TTC28: variants seen among roughly 807,000 people sequenced by gnomAD.
The protein encoded by TTC28 is tetratricopeptide repeat protein 28.
TTC28 carries 61 observed loss-of-function variants against 198.0 expected under a neutral mutation model. The ratio of observed to expected loss-of-function variants is 0.31; its 90% CI spans 0.25 to 0.38. The LOEUF is 0.38. TTC28 is among the 10% of genes least tolerant of loss of function. TTC28 has a pLI of 1.00. For synonymous variants in TTC28, 1,171 were observed against 1,297.8 expected (o/e 0.90, Z 2.10); for missense variants, 2,678 against 3,164.0 (o/e 0.85, Z 3.69).
At chr22:28,632,296 TC>T (rs1237206328) in intron 1 of TTC28, among the ~76,000 whole-genome samples, 1 of 127,650 alleles carries the variant, frequency 7.8e-6, no homozygotes, top group Non-Finnish European at 1.6e-5. Flanking sequence ...AGGAGAAGTT[TC>T]ACTCTTGTTG....
intron 5 of TTC28, among the ~76,000 whole-genome samples, chr22:28,164,091 TG>T (rs1294680087): frequency 6.6e-6 from 1 of 152,010 alleles, no homozygotes; most frequent in African/African-American, 2.4e-5. Flanking sequence ...GAAGCGAGGC[TG>T]GGGGAGGGGC....
At chr22:28,326,582 C>T (rs951923912) in intron 2 of TTC28, among the ~76,000 whole-genome samples, 1 of 152,042 alleles carries the variant, frequency 6.6e-6, no homozygotes, top group African/African-American at 2.4e-5. Flanking sequence ...CTAAATGAGT[C>T]AGTTAAGATG....
chr22:28,514,681 A>G (rs1360791523), intron 2 of TTC28, among the ~76,000 whole-genome samples: 10 of 152,230 alleles, frequency 6.6e-5, no homozygotes, highest in African/African-American at 2.4e-4. Flanking sequence ...ACACTTACAC[A>G]TGCCTGTGCG....
chr22:28,391,628 T>C (rs939252861), intron 2 of TTC28, among the ~76,000 whole-genome samples: 4 of 152,250 alleles, frequency 2.6e-5, no homozygotes, highest in African/African-American at 7.2e-5. Flanking sequence ...TTCCAGTTGA[T>C]TGCATCAGCT....
intron 2 of TTC28, among the ~76,000 whole-genome samples, chr22:28,371,581 CA>C (rs147727536): frequency 1.2e-4 from 4 of 32,720 alleles, no homozygotes; most frequent in Non-Finnish European, 1.5e-4. Context: ...TCATCTTAAC[CA>C]AAAAAAAAAA....
At chr22:28,587,605 C>G (rs1464187812) in intron 2 of TTC28, among the ~76,000 whole-genome samples, 1 of 151,808 alleles carries the variant, frequency 6.6e-6, no homozygotes, top group African/African-American at 2.4e-5. Context: ...CACCACCACG[C>G]CTGGCTAATT....
Position 28,410,475 on chromosome 22 carries a change from A to C in TTC28, c.382-103832T>G, listed in dbSNP as rs2047063848. On this transcript the variant is annotated intron_variant, in intron 2 of 22. Transcript: ENST00000397906. Reference sequence around the variant, plus strand: ...CTTAGGCTTTATCAGAAACATGCTAAATAATGAATAAAAATAAGTTATGGA... The same window carrying C: ...CTTAGGCTTTATCAGAAACATGCTACATAATGAATAAAAATAAGTTATGGA... Among the ~76,000 whole-genome samples the C allele has an allele frequency of 2.6e-5, 4 of 152,336 alleles. No individual in the cohort carries two copies. The South Asian group carries it at 8.3e-4, about 32-fold the overall frequency.
At chr22:28,053,968 C>T (rs1940180594) in intron 12 of TTC28, among the ~76,000 whole-genome samples, 1 of 152,108 alleles carries the variant, frequency 6.6e-6, no homozygotes, top group Non-Finnish European at 1.5e-5. Context: ...TAAATGCATC[C>T]TGACGTTTGT....
At chr22:28,197,971 C>A (rs1173157815) in intron 5 of TTC28, among the ~76,000 whole-genome samples, 1 of 151,976 alleles carries the variant, frequency 6.6e-6, no homozygotes, top group Admixed American at 6.6e-5. Context: ...TTTCAAACAG[C>A]AAAGTGCAAA....
Position 28,629,557 on chromosome 22 carries a change from G to T in TTC28, c.376C>A (p.Pro126Thr). The stretch of plus-strand genomic sequence containing the variant: ...TCATAGGTAAAAATTTCTACCTTTG[G>T]CCACTTGGGATTGAGAAGTCGAGCT... ...IKARLLNPKW[P>T]KAYFRQGVAL... Residue 126 changes from proline (P) to threonine (T), a missense_variant, in exon 2 of 23, where the codon CCA (proline) becomes ACA (threonine). Pro to Thr is a conservative substitution (Grantham distance 38). Coordinates refer to ENST00000397906, the MANE Select transcript of TTC28 (RefSeq NM_001145418.2). 1.9e-6 allele frequency: 3 copies of T among 1,547,502 alleles called. No individual in the cohort carries two copies. Among genetic ancestry groups the T allele is most frequent in the Non-Finnish European group, 2.6e-6 (3 of 1,144,794 alleles).
At chr22:28,143,069 G>A (rs1017978746) in intron 6 of TTC28, among the ~76,000 whole-genome samples, 4 of 152,176 alleles carry the variant, frequency 2.6e-5, no homozygotes, top group African/African-American at 9.7e-5. Flanking sequence ...TGTGTCACAT[G>A]TGAACTGAAG....
At chr22:28,611,882 G>C (rs567997737) in intron 2 of TTC28, among the ~76,000 whole-genome samples, 1 of 152,090 alleles carries the variant, frequency 6.6e-6, no homozygotes, top group South Asian at 2.1e-4. Flanking sequence ...GTCACCAGCA[G>C]GCCTGCCTTA....
At chr22:28,338,560 A>G (rs981783701) in intron 2 of TTC28, among the ~76,000 whole-genome samples, 3 of 151,604 alleles carry the variant, frequency 2.0e-5, no homozygotes, top group Non-Finnish European at 4.4e-5. Flanking sequence ...TTTCCTCTAA[A>G]CTTCTCTTCT....
intron 5 of TTC28, among the ~76,000 whole-genome samples, chr22:28,283,400 A>G (rs1164207059): frequency 6.6e-6 from 1 of 152,138 alleles, no homozygotes; most frequent in Non-Finnish European, 1.5e-5. Flanking sequence ...ATTATATAAT[A>G]AAGCACATAG....
intron 6 of TTC28, among the ~76,000 whole-genome samples, chr22:28,113,672 AT>A (rs746618666): frequency 2.0e-5 from 3 of 152,216 alleles, no homozygotes; most frequent in East Asian, 1.9e-4. Flanking sequence ...TTATAGAAGC[AT>A]TTACACATGA....
At chr22:28,058,549 T>A (rs1032071869) in intron 12 of TTC28, among the ~76,000 whole-genome samples, 10 of 152,286 alleles carry the variant, frequency 6.6e-5, no homozygotes, top group Non-Finnish European at 1.2e-4. Flanking sequence ...TTTTTATACC[T>A]ATATGCATGA....
At chr22:28,459,441 A>G (rs928691263) in intron 2 of TTC28, among the ~76,000 whole-genome samples, 1 of 152,106 alleles carries the variant, frequency 6.6e-6, no homozygotes, top group Non-Finnish European at 1.5e-5. Flanking sequence ...AAAGAAAAAA[A>G]AAATTAAAGA....
chr22:28,244,388 T>C (rs999866994), intron 5 of TTC28, among the ~76,000 whole-genome samples: 2 of 152,208 alleles, frequency 1.3e-5, no homozygotes, highest in African/African-American at 4.8e-5. Context: ...TTCGTCTCCT[T>C]TCAAATATGA....
At chr22:28,511,967 G>T (rs1357924944) in intron 2 of TTC28, among the ~76,000 whole-genome samples, 2 of 151,720 alleles carry the variant, frequency 1.3e-5, no homozygotes, top group African/African-American at 2.4e-5. Flanking sequence ...TTAAACTAAA[G>T]AGCTTCTTCA....
Sources: gnomAD v4.1 joint callset for allele counts (sites outside exome capture counted in the v4.1 genomes callset) on GRCh38, gnomAD v4.1.1 for gene constraint, MANE v1.5 for transcripts, NCBI Gene and HGNC (gene_info 2026-07-23, HGNC 2026-07-21) for gene names.